Variants in SVEP1 observed in about 807,000 individuals in gnomAD.
SVEP1 encodes sushi, von Willebrand factor type A, EGF and pentraxin domain-containing protein 1.
Under a neutral mutation model 367.3 loss-of-function variants are expected in SVEP1, and 164 were observed. The observed-to-expected ratio is 0.45, with a 90% confidence interval of 0.39 to 0.51. SVEP1 has a LOEUF of 0.51. Ranked by LOEUF, SVEP1 falls within the 20% of genes least tolerant of loss-of-function variation. The pLI, the probability that SVEP1 is intolerant of heterozygous loss-of-function variation, is 0.00. For missense variants in SVEP1, 4,117 were observed against 4,425.3 expected, an observed-to-expected ratio of 0.93 and a Z score of 1.98; for synonymous variants, 1,666 against 1,611.6, an observed-to-expected ratio of 1.03 and a Z score of -0.81.
intron 8 of SVEP1, among the ~76,000 whole-genome samples, chr9:110,496,224 G>C (rs373571566): frequency 1.3e-5 from 2 of 152,298 alleles, no homozygotes; most frequent in South Asian, 2.1e-4. Context: ...TGAAGGATAC[G>C]AAGTATTGTT....
chr9:110,428,265 C>T (rs1490719743), intron 35 of SVEP1, among the ~76,000 whole-genome samples: 1 of 152,016 alleles, frequency 6.6e-6, no homozygotes, highest in East Asian at 1.9e-4. Context: ...GCTTATCTGC[C>T]TTTCTTCTCA....
intron 45 of SVEP1, 70 bp downstream of exon 45, chr9:110,377,201 T>A: frequency 7.1e-7 from 1 of 1,400,842 alleles, no homozygotes; most frequent in Non-Finnish European, 1.0e-6. Flanking sequence ...CATTTCCTGG[T>A]AACTCCCCTC....
At chr9:110,435,155 T>C (rs1588051953) in intron 29 of SVEP1, 86 bp downstream of exon 29, 1 of 1,485,882 alleles carries the variant, frequency 6.7e-7, no homozygotes, top group Non-Finnish European at 9.0e-7. Flanking sequence ...ATTGGACCGA[T>C]AGAGAATTCT....
intron 1 of SVEP1, among the ~76,000 whole-genome samples, chr9:110,562,237 AC>A (rs67292678): frequency 0.1 from 15,830 of 150,938 alleles, 1,020 homozygotes; most frequent in East Asian, 0.32. Flanking sequence ...AATAGCAAAA[AC>A]AAAAAAAAAG....
chr9:110,461,820 AT>A (rs1828862247), intron 18 of SVEP1, among the ~76,000 whole-genome samples: 1 of 152,198 alleles, frequency 6.6e-6, no homozygotes, highest in Admixed American at 6.5e-5. Flanking sequence ...TAAAATTTAC[AT>A]TTTTAAACTG....
intron 36 of SVEP1, among the ~76,000 whole-genome samples, chr9:110,423,173 AAAAAAAAAAAG>A (rs201551854): frequency 0.023 from 3,431 of 146,982 alleles, 62 homozygotes; most frequent in African/African-American, 0.072. Context: ...TAAAGTAAAA[AAAAAAAAAAAG>A]AAAAAAAAAA....
At chr9:110,456,087 C>A (rs905690934) in intron 21 of SVEP1, among the ~76,000 whole-genome samples, 4 of 152,196 alleles carry the variant, frequency 2.6e-5, no homozygotes, top group Non-Finnish European at 5.9e-5. Flanking sequence ...CAGATCACAG[C>A]TCACATGCCA....
rs1437062478 is a variant in SVEP1 at position 110,455,710 on chromosome 9, T to A, written c.3674-7A>T. 6.2e-7 allele frequency: 1 copy of A among 1,604,618 alleles called. No individual in the cohort carries two copies. The highest frequency in any genetic ancestry group is 8.5e-7 in the Non-Finnish European group (1 of 1,175,780). The stretch of plus-strand genomic sequence containing the variant: ...TCTGTTTCACACTTTAAGCCTACAA[T>A]GTAAACCAAATGCTGAGGGACAATC... On this transcript the variant is annotated splice_region_variant and splice_polypyrimidine_tract_variant and intron_variant, in intron 21 of 47. Coordinates refer to ENST00000374469, the MANE Select transcript of SVEP1 (RefSeq NM_153366.4).
chr9:110,475,082 G>A (rs1410710402), intron 14 of SVEP1, among the ~76,000 whole-genome samples: 3 of 151,140 alleles, frequency 2.0e-5, no homozygotes, highest in African/African-American at 7.3e-5. Context: ...TTATTTCTGG[G>A]GTTGTGGATT....
At chr9:110,572,789 CAAAAAAAAAA>C (rs56077443) in intron 1 of SVEP1, among the ~76,000 whole-genome samples, 59 of 76,520 alleles carry the variant, frequency 7.7e-4, no homozygotes, top group African/African-American at 3.0e-3. Flanking sequence ...CTCTCTCTCA[CAAAAAAAAAA>C]AAAAAAAAAA....
intron 40 of SVEP1, among the ~76,000 whole-genome samples, chr9:110,392,437 A>G (rs1354118841): frequency 6.6e-6 from 1 of 151,920 alleles, no homozygotes; most frequent in Non-Finnish European, 1.5e-5. Context: ...GAGGTGGGAG[A>G]GCACAAAATG....
intron 25 of SVEP1, among the ~76,000 whole-genome samples, chr9:110,446,276 G>A (rs1828597044): frequency 6.6e-6 from 1 of 152,212 alleles, no homozygotes; most frequent in Non-Finnish European, 1.5e-5. Context: ...AGAGAAACAG[G>A]AAGTAGTTGG....
rs576770114 is a variant in SVEP1, at chr9:110,489,982, C to T, written c.1801-203G>A. 3.8e-3 allele frequency among the ~76,000 whole-genome samples: 577 copies of T among 152,152 alleles called. 2 individuals carry two copies. The highest frequency in any genetic ancestry group is 6.1e-3 in the Non-Finnish European group (414 of 67,996). On this transcript the variant is annotated intron_variant, in intron 8 of 47. Coordinates refer to ENST00000374469, the MANE Select transcript of SVEP1 (RefSeq NM_153366.4). ...ATTGGCACACATATGAAATATTTCT[C>T]CTTGTTTTTTAAACATAATACCTTC...
At chr9:110,578,741 G>C (rs1170327692) in intron 1 of SVEP1, among the ~76,000 whole-genome samples, 1 of 152,132 alleles carries the variant, frequency 6.6e-6, no homozygotes, top group Non-Finnish European at 1.5e-5. Context: ...AATGTGATTA[G>C]CGTTTCAAGG....
At position 110,479,636 on chromosome 9, in the gene SVEP1, A is replaced by G; in HGVS notation, c.2486T>C (p.Met829Thr). 1.2e-6 allele frequency: 2 copies of G among 1,603,482 alleles called. No individual in the cohort carries two copies. The highest frequency in any genetic ancestry group is 1.7e-6 in the Non-Finnish European group (2 of 1,176,776). ...AATAAATGACCACTATTGATGTACC[A>G]TTTTTCCCAGGGTCGTCTCAAATGC... is the stretch of plus-strand genomic sequence containing the variant. ...SEAFETTLGK[M>T]VPSFCSDAED... Residue 829 changes from methionine (M) to threonine (T), a missense_variant and splice_region_variant, in exon 13 of 48, where the codon ATG becomes ACG. Physicochemically the swap from Met to Thr is moderately conservative, Grantham distance 81 (BLOSUM62 -1). This residue lies in a region of SVEP1 where 2,174 missense variants were observed against 2,494.3 expected (regional missense o/e 0.87). Transcript: ENST00000374469.
Position 110,545,082 on chromosome 9 carries a change from G to A in SVEP1, c.964+1033C>T, listed in dbSNP as rs534938971. Among the ~76,000 whole-genome samples the A allele has an allele frequency of 4.6e-5, 7 of 152,214 alleles. 1 individual carries two copies. The South Asian group carries it at 8.3e-4, about 18-fold the overall frequency. ...ACTCCAGGCTCACCCACGTTGCCAC[G>A]AATGATAGGATTTCATTCTTTTTTT... is the stretch of plus-strand genomic sequence containing the variant. On this transcript the variant is annotated intron_variant, in intron 3 of 47. Coordinates refer to ENST00000374469, the MANE Select transcript of SVEP1 (RefSeq NM_153366.4).
chr9:110,547,605 A>T (rs1335290566), intron 2 of SVEP1, among the ~76,000 whole-genome samples: 2 of 152,102 alleles, frequency 1.3e-5, no homozygotes, highest in Non-Finnish European at 2.9e-5. Context: ...AGAAAAGACA[A>T]ACATAGCTGT....
chr9:110,457,330 T>C lies in SVEP1; in HGVS notation c.3599A>G (p.Asn1200Ser). The change falls in exon 21 of 48, where the codon AAC (asparagine) becomes AGC (serine). Residue 1200 changes from asparagine to serine, a missense_variant. Around this residue, in one of 4 missense-constraint regions of SVEP1, gnomAD observed 2,174 missense variants for 2,494.3 expected, o/e 0.87. Coordinates refer to ENST00000374469, the MANE Select transcript of SVEP1 (RefSeq NM_153366.4). Reference sequence around the variant, plus strand: ...GCAGGTTCCACTATTGTGGCAAGGGTTAAAGAAGCATTCATGGAAAACCTA... The same window carrying C: ...GCAGGTTCCACTATTGTGGCAAGGGCTAAAGAAGCATTCATGGAAAACCTA... ...SSQVFHECFF[N>S]PCHNSGTCQQ... 6.2e-7 allele frequency: 1 copy of C among 1,611,102 alleles called. No homozygotes were observed. The highest frequency in any genetic ancestry group is 1.7e-5 in the Admixed American group (1 of 59,138).
rs561910274 is a variant in SVEP1, at chr9:110,398,409, A to G, written c.9822+2445T>C. Among the ~76,000 whole-genome samples the G allele has an allele frequency of 1.4e-4, 22 of 152,326 alleles. No individual in the cohort carries two copies. In the East Asian group the frequency reaches 4.0e-3, roughly 28 times the overall value. On this transcript the variant is annotated intron_variant, in intron 40 of 47. Transcript: ENST00000374469. Reference sequence around the variant, plus strand: ...AAATCCCTAGAAGAAAACTTAGGCAATACCATTCAGGACATAGGCATGGGC... The same window carrying G: ...AAATCCCTAGAAGAAAACTTAGGCAGTACCATTCAGGACATAGGCATGGGC...
Sources: gnomAD v4.1 joint callset for allele counts (sites outside exome capture counted in the v4.1 genomes callset) on GRCh38, gnomAD v4.1.1 for gene constraint, gnomAD v4.1.1 regional missense constraint, MANE v1.5 for transcripts, NCBI Gene and HGNC (gene_info 2026-07-23, HGNC 2026-07-21) for gene names.